Variants in CHML observed in about 807,000 individuals in gnomAD.
The protein encoded by CHML is rab proteins geranylgeranyltransferase component A 2.
Under a neutral mutation model 30.4 loss-of-function variants are expected in CHML, and 20 were observed. The ratio of observed to expected loss-of-function variants is 0.66; its 90% CI spans 0.46 to 0.95. The LOEUF (loss-of-function observed/expected upper bound fraction) is 0.95. Among genes scored for constraint, CHML ranks in the 40% least tolerant of loss-of-function variants. The probability of loss-of-function intolerance (pLI) is 0.00; values close to 1 mark genes in which losing one functional copy is unlikely to be tolerated. For missense variants in CHML, 795 were observed against 768.5 expected (o/e 1.03, Z -0.41); for synonymous variants, 281 against 275.0 (o/e 1.02, Z -0.22).
chr1:241,630,147 T>C lies in CHML; in HGVS notation c.*3649A>G, dbSNP rs993631438. ...CTGTGAAGTATTTCTCTTCTGTAGA[T>C]GGTGAAATAGATACTAGGAGTGACT... On this transcript the variant is annotated 3_prime_UTR_variant, in exon 2 of 2. Coordinates refer to ENST00000366553, the MANE Select transcript of CHML (RefSeq NM_001381853.1). 5.3e-5 allele frequency: 8 copies of C among 152,068 alleles called. No individual in the cohort carries two copies. Among genetic ancestry groups the C allele is most frequent in the African/African-American group, 1.9e-4 (8 of 41,442 alleles). 9.4% of individuals were successfully genotyped at this position (152,068 alleles called of 1,614,324 possible).
At position 241,639,987 on chromosome 1, in the gene CHML, C is replaced by G; in HGVS notation, c.-413G>C. 6.2e-7 allele frequency: 1 copy of G among 1,612,724 alleles called. No homozygotes were observed. The highest frequency in any genetic ancestry group is 8.5e-7 in the Non-Finnish European group (1 of 1,179,472). ...GTAAAGGTGACCCCGAAGAGGGACA[C>G]CAGCAGGTCGCTGAGGCTGATGTTG... is the stretch of plus-strand genomic sequence containing the variant. On this transcript the variant is annotated 5_prime_UTR_variant, in exon 1 of 2. Coordinates refer to ENST00000366553, the MANE Select transcript of CHML (RefSeq NM_001381853.1).
At chr1:241,639,837 T>A in intron 1 of CHML, 45 bp downstream of exon 1, 2 of 1,411,538 alleles carry the variant, frequency 1.4e-6, no homozygotes, top group Non-Finnish European at 1.9e-6. Flanking sequence ...GGGTGGGGAG[T>A]GGAAGTTTGC....
At position 241,634,608 on chromosome 1, in the gene CHML, G is replaced by A. The variant is rs1415259396; in HGVS notation, c.1159C>T (p.Gln387Ter). ...FPLYGQGEIP[Q>*]GFCRMCAVFG... is the part of the protein sequence containing the mutation. ...ACTGCACACATCCTACAGAAACCCT[G>A]GGGAATTTCTCCTTGGCCATACAAG... Residue 387 changes from glutamine to a stop codon, truncating the protein, a stop_gained, in exon 2 of 2, where the codon CAG (glutamine) becomes TAG (stop). Coordinates refer to ENST00000366553, the MANE Select transcript of CHML (RefSeq NM_001381853.1). LOFTEE classifies it high-confidence loss of function. 1.2e-6 allele frequency: 2 copies of A among 1,613,886 alleles called. No homozygotes were observed. The highest frequency in any genetic ancestry group is 1.7e-5 in the Admixed American group (1 of 59,966).
At position 241,634,332 on chromosome 1, in the gene CHML, C is replaced by G. The variant is rs773726766; in HGVS notation, c.1435G>C (p.Val479Leu). 7.4e-6 allele frequency: 12 copies of G among 1,613,850 alleles called. No individual in the cohort carries two copies. The highest frequency in any genetic ancestry group is 1.0e-5 in the Non-Finnish European group (12 of 1,179,916). Residue 479 changes from valine to leucine, a missense_variant, in exon 2 of 2, where the codon GTT (valine) becomes CTT (leucine). Coordinates refer to ENST00000366553, the MANE Select transcript of CHML (RefSeq NM_001381853.1). Reference sequence around the variant, plus strand: ...CAAGCTCCTGGCTCTGCTGGAGGAACTATCAGAATGGAAGTCTGCTGATCT... The same window carrying G: ...CAAGCTCCTGGCTCTGCTGGAGGAAGTATCAGAATGGAAGTCTGCTGATCT... ...DLDQQTSILIVPPAEPGACAV... is the reference protein window; with the variant it reads ...DLDQQTSILILPPAEPGACAV...
chr1:241,634,198 T>A lies in CHML; in HGVS notation c.1569A>T (p.Glu523Asp). ...SSSKTAREDL[E>D]SVVKKLFTPY... The stretch of plus-strand genomic sequence containing the variant: ...GAGTGAATAATTTCTTCACCACTGA[T>A]TCTAAGTCTTCTCTTGCTGTTTTAG... The change falls in exon 2 of 2, where the codon GAA becomes GAT. Residue 523 changes from glutamate to aspartate, a missense_variant. Transcript: ENST00000366553. 3 of 1,614,004 alleles carry A rather than the reference T, an allele frequency of 1.9e-6. No individual in the cohort carries two copies. In the Admixed American group the frequency reaches 5.0e-5, roughly 27 times the overall value.
rs781404196 is a variant in CHML at position 241,635,565 on chromosome 1, T to C, written c.202A>G (p.Ile68Val). The change falls in exon 2 of 2, where the codon ATT (isoleucine) becomes GTT (valine). Residue 68 changes from isoleucine (I) to valine (V), a missense_variant. Physicochemically the swap from Ile to Val is conservative, Grantham distance 29. Coordinates refer to ENST00000366553, the MANE Select transcript of CHML (RefSeq NM_001381853.1). ...WLKEYQQNND[I>V]GEESTVVWQD... ...CATACAACAGTACTTTCTTCCCCAA[T>C]GTCATTGTTTTGCTGATACTCCTTC... 12 of 1,614,112 alleles carry C rather than the reference T, an allele frequency of 7.4e-6. No individual in the cohort carries two copies. The East Asian group carries it at 2.0e-4, about 27-fold the overall frequency.
At position 241,640,230 on chromosome 1, in the gene CHML, C is replaced by T; in HGVS notation, c.-656G>A. The T allele has an allele frequency of 7.6e-7, 1 of 1,324,030 alleles. No individual in the cohort carries two copies. The highest frequency in any genetic ancestry group is 2.1e-5 in the South Asian group (1 of 48,672). 82.0% of individuals were successfully genotyped at this position (1,324,030 alleles called of 1,614,324 possible). ...CCGCCGCCGTCCCAGTAGCCGTGGC[C>T]GCCGCTGCGGTTCCCCGAGTACATG... On this transcript the variant is annotated 5_prime_UTR_variant, in exon 1 of 2. Coordinates refer to ENST00000366553, the MANE Select transcript of CHML (RefSeq NM_001381853.1).
At position 241,635,799 on chromosome 1, in the gene CHML, T is replaced by C. The variant is rs754211608; in HGVS notation, c.-33A>G. 6.3e-6 allele frequency: 10 copies of C among 1,575,084 alleles called. No individual in the cohort carries two copies. Among genetic ancestry groups the C allele is most frequent in the East Asian group, 4.5e-5 (2 of 44,546 alleles). ...AGTAACAGCGTCTGGTGACAACTGC[T>C]GATGAAAGAAATGAGGTGTGATTAT... On this transcript the variant is annotated 5_prime_UTR_variant, in exon 2 of 2. Coordinates refer to ENST00000366553, the MANE Select transcript of CHML (RefSeq NM_001381853.1).
At position 241,634,177 on chromosome 1, in the gene CHML, GAAT is replaced by G; in HGVS notation, c.1587_1589del (p.Leu529del). ...TTATTTCTGTTTCAGTATACGGAGT[GAAT>G]AATTTCTTCACCACTGATTCTAAGT... is the stretch of plus-strand genomic sequence containing the variant. On this transcript the variant is annotated inframe_deletion, in exon 2 of 2. Transcript: ENST00000366553. 1 of 1,613,942 alleles carries G rather than the reference GAAT, an allele frequency of 6.2e-7. No individual in the cohort carries two copies. The highest frequency in any genetic ancestry group is 8.5e-7 in the Non-Finnish European group (1 of 1,179,898).
Position 241,640,212 on chromosome 1 carries a change from C to A in CHML, c.-638G>T. 7.4e-7 allele frequency: 1 copy of A among 1,356,978 alleles called. No individual in the cohort carries two copies. Among genetic ancestry groups the A allele is most frequent in the Non-Finnish European group, 9.4e-7 (1 of 1,061,956 alleles). The allele number at this position is 1,356,978 out of a possible 1,614,324, so 84.1% of individuals were successfully genotyped here. ...CCCTCAGCGCCCGCGGCCCCGCCGC[C>A]GTCCCAGTAGCCGTGGCCGCCGCTG... On this transcript the variant is annotated 5_prime_UTR_variant, in exon 1 of 2. Transcript: ENST00000366553.
Position 241,635,570 on chromosome 1 carries a change from T to C in CHML, c.197A>G (p.Asn66Ser), listed in dbSNP as rs373176318. The change falls in exon 2 of 2, where the codon AAT becomes AGT. Residue 66 changes from asparagine (N) to serine (S), a missense_variant. By Grantham distance (46) the Asn-to-Ser change is conservative. Coordinates refer to ENST00000366553, the MANE Select transcript of CHML (RefSeq NM_001381853.1). ...LSWLKEYQQN[N>S]DIGEESTVVW... ...AACAGTACTTTCTTCCCCAATGTCA[T>C]TGTTTTGCTGATACTCCTTCAACCA... The C allele has an allele frequency of 1.4e-5, 23 of 1,613,990 alleles. No individual in the cohort carries two copies. Among genetic ancestry groups the C allele is most frequent in the Non-Finnish European group, 1.9e-5 (23 of 1,179,958 alleles).
Position 241,634,355 on chromosome 1 carries a change from T to A in CHML, c.1412A>T (p.Asp471Val), listed in dbSNP as rs1475840625. The A allele has an allele frequency of 3.7e-6, 6 of 1,613,894 alleles. No homozygotes were observed. In the Admixed American group the frequency reaches 1.0e-4, roughly 27 times the overall value. The change falls in exon 2 of 2, where the codon GAT becomes GTT. Residue 471 changes from aspartate to valine, a missense_variant. Transcript: ENST00000366553. ...TDQSILKTDL[D>V]QQTSILIVPP... The stretch of plus-strand genomic sequence containing the variant: ...AACTATCAGAATGGAAGTCTGCTGA[T>A]CTAAATCTGTCTTTAGTATAGACTG...
At chr1:241,638,708 ATAT>A (rs1343588346) in intron 1 of CHML, among the ~76,000 whole-genome samples, 1 of 152,186 alleles carries the variant, frequency 6.6e-6, no homozygotes, top group Non-Finnish European at 1.5e-5. Flanking sequence ...GGGGAGGAAA[ATAT>A]TATAACCTCT....
Position 241,634,885 on chromosome 1 carries a change from CT to C in CHML, c.881del (p.Lys294ArgfsTer4). 1 of 1,610,400 alleles carries C rather than the reference CT, an allele frequency of 6.2e-7. No homozygotes were observed. The highest frequency in any genetic ancestry group is 8.5e-7 in the Non-Finnish European group (1 of 1,178,738). On this transcript the variant is annotated frameshift_variant, in exon 2 of 2. Coordinates refer to ENST00000366553, the MANE Select transcript of CHML (RefSeq NM_001381853.1). LOFTEE classifies it high-confidence loss of function. ...ATGTGAGAAATTTCATTAGCATCCT[CT>C]TTTCAACCATGGTGAGTTCCTTGCT... ...FNSKELTMVEKRMLMKFLTFC... is the reference protein window; with the variant it reads ...FNSKELTMVEXRMLMKFLTFC...
chr1:241,635,352 A>G lies in CHML; in HGVS notation c.415T>C (p.Leu139=). The part of the protein sequence containing the change: ...NTFTEVLDSA[L]PEESQLSYFN... ...TACGATAACTGGCTTTCTTCAGGTA[A>G]TGCAGAATCCAGAACTTCAGTGAAG... The change falls in exon 2 of 2, where the codon TTA becomes CTA. Residue 139 remains leucine, a synonymous_variant. Transcript: ENST00000366553. 6.2e-7 allele frequency: 1 copy of G among 1,614,048 alleles called. No homozygotes were observed. Among genetic ancestry groups the G allele is most frequent in the Non-Finnish European group, 8.5e-7 (1 of 1,179,936 alleles).
Position 241,634,929 on chromosome 1 carries a change from TGGAA to T in CHML, c.834_837del (p.Cys278Ter), listed in dbSNP as rs1157376625. 8 of 1,612,752 alleles carry T rather than the reference TGGAA, an allele frequency of 5.0e-6. No individual in the cohort carries two copies. Among genetic ancestry groups the T allele is most frequent in the Non-Finnish European group, 6.8e-6 (8 of 1,179,614 alleles). ...TCCTTGCTATTAAAGACATCTGCTC[TGGAA>T]CAAGGAACTTGTTCTACCTTTCCTT... is the stretch of plus-strand genomic sequence containing the variant. On this transcript the variant is annotated frameshift_variant, in exon 2 of 2. Coordinates refer to ENST00000366553, the MANE Select transcript of CHML (RefSeq NM_001381853.1). LOFTEE classifies it high-confidence loss of function.
rs1171055324 is a variant in CHML, at chr1:241,639,864, T to C, written c.-308+18A>G. The stretch of plus-strand genomic sequence containing the variant: ...GAAGTTTGCAGAGGGGAGGCTGCCT[T>C]CTCCCAGTCCAACTCACCGAAGAGG... On this transcript the variant is annotated intron_variant, in intron 1 of 1. Coordinates refer to ENST00000366553, the MANE Select transcript of CHML (RefSeq NM_001381853.1). 10 of 1,519,206 alleles carry C rather than the reference T, an allele frequency of 6.6e-6. No individual in the cohort carries two copies. The highest frequency in any genetic ancestry group is 6.0e-5 in the Admixed American group (3 of 49,930). The allele number at this position is 1,519,206 out of a possible 1,614,324, so 94.1% of individuals were successfully genotyped here. A position where few individuals can be genotyped will look rare whatever the true frequency, so the allele number is the denominator to read the frequency against.
rs1664807928 is a variant in CHML at position 241,634,735 on chromosome 1, T to C, written c.1032A>G (p.Ala344=). 1 of 1,613,924 alleles carries C rather than the reference T, an allele frequency of 6.2e-7. No individual in the cohort carries two copies. The highest frequency in any genetic ancestry group is 1.3e-5 in the African/African-American group (1 of 74,928). ...NLQHFVLHSI[A]MTSESSCTTI... ...TAGTGCAAGATGATTCTGATGTCAT[T>C]GCAATTGAGTGCAGTACAAAATGTT... The change falls in exon 2 of 2, where the codon GCA becomes GCG. Residue 344 remains alanine (A), a synonymous_variant. Coordinates refer to ENST00000366553, the MANE Select transcript of CHML (RefSeq NM_001381853.1).
chr1:241,638,456 T>C (rs78012526), intron 1 of CHML, among the ~76,000 whole-genome samples: 1,576 of 152,298 alleles, frequency 0.01, 20 homozygotes, highest in African/African-American at 0.036. Context: ...AAAAGAACTT[T>C]GATGTCTGTG....
Sources: gnomAD v4.1 joint callset for allele counts (sites outside exome capture counted in the v4.1 genomes callset) on GRCh38, gnomAD v4.1.1 for gene constraint, MANE v1.5 for transcripts, NCBI Gene and HGNC (gene_info 2026-07-23, HGNC 2026-07-21) for gene names.